Variants in THSD7A observed in about 807,000 individuals in gnomAD.
THSD7A encodes thrombospondin type 1 domain containing 7A.
A neutral mutation model predicts 231.3 loss-of-function variants in THSD7A; 96 were observed. The observed-to-expected ratio is 0.41, with a 90% confidence interval of 0.35 to 0.49. THSD7A has a LOEUF of 0.49. Among genes scored for constraint, THSD7A ranks in the 20% least tolerant of loss-of-function variants. The pLI is 0.05. For missense variants in THSD7A, 2,290 were observed against 2,070.2 expected, an observed-to-expected ratio of 1.11 and a Z score of -2.06; for synonymous variants, 940 against 743.3, an observed-to-expected ratio of 1.26 and a Z score of -4.30.
At chr7:11,443,001 C>T (rs1406756830) in intron 13 of THSD7A, among the ~76,000 whole-genome samples, 1 of 151,968 alleles carries the variant, frequency 6.6e-6, no homozygotes, top group Admixed American at 6.6e-5. Flanking sequence ...TGCCTTTGGC[C>T]AATTTCAATT....
At chr7:11,562,871 G>A (rs1210556448) in intron 4 of THSD7A, among the ~76,000 whole-genome samples, 1 of 152,234 alleles carries the variant, frequency 6.6e-6, no homozygotes, top group East Asian at 1.9e-4. Flanking sequence ...TGTTTTTACT[G>A]TTTTGTCCTT....
chr7:11,476,094 A>T (rs890283355), intron 7 of THSD7A, among the ~76,000 whole-genome samples: 3 of 151,978 alleles, frequency 2.0e-5, no homozygotes, highest in Non-Finnish European at 4.4e-5. Context: ...GGTAAAGCTA[A>T]AAGTCTAACA....
At chr7:11,496,430 T>C (rs1441356455) in intron 6 of THSD7A, among the ~76,000 whole-genome samples, 2 of 152,116 alleles carry the variant, frequency 1.3e-5, no homozygotes, top group African/African-American at 2.4e-5. Flanking sequence ...ATGAGGCCCA[T>C]AGTATGGAAA....
At chr7:11,804,431 A>G (rs1562567326) in intron 1 of THSD7A, among the ~76,000 whole-genome samples, 1 of 152,210 alleles carries the variant, frequency 6.6e-6, no homozygotes. Flanking sequence ...TCAGTTTTCT[A>G]TAAACAACAA....
intron 13 of THSD7A, among the ~76,000 whole-genome samples, chr7:11,430,142 G>C (rs1018358419): frequency 6.6e-6 from 1 of 152,110 alleles, no homozygotes; most frequent in Admixed American, 6.5e-5. Context: ...GCAGAGATTC[G>C]ATTTTGACAA....
intron 1 of THSD7A, among the ~76,000 whole-genome samples, chr7:11,669,012 T>A (rs1783268420): frequency 6.6e-6 from 1 of 152,178 alleles, no homozygotes; most frequent in South Asian, 2.1e-4. Context: ...GCTCTCAGCA[T>A]TTTTGCCTAC....
chr7:11,460,130 A>C (rs1465902405), intron 11 of THSD7A, among the ~76,000 whole-genome samples: 1 of 152,162 alleles, frequency 6.6e-6, no homozygotes, highest in African/African-American at 2.4e-5. Context: ...TGCAGATTGT[A>C]ATTAAGTAAA....
chr7:11,502,371 G>A (rs181436170), intron 6 of THSD7A, among the ~76,000 whole-genome samples: 9 of 152,164 alleles, frequency 5.9e-5, no homozygotes, highest in South Asian at 2.1e-4. Context: ...GATGAACATC[G>A]ATGCAACTAA....
chr7:11,510,238 C>T (rs1340506584), intron 6 of THSD7A, among the ~76,000 whole-genome samples: 7 of 152,206 alleles, frequency 4.6e-5, no homozygotes, highest in East Asian at 3.9e-4. Context: ...AAGCTGAATC[C>T]CTGAATAGAC....
At chr7:11,503,167 G>A (rs1210938323) in intron 6 of THSD7A, among the ~76,000 whole-genome samples, 4 of 152,026 alleles carry the variant, frequency 2.6e-5, no homozygotes, top group African/African-American at 9.7e-5. Context: ...GCACATCTAC[G>A]ACCATCTGAT....
At chr7:11,784,509 C>G (rs1469170641) in intron 1 of THSD7A, among the ~76,000 whole-genome samples, 2 of 151,766 alleles carry the variant, frequency 1.3e-5, no homozygotes, top group African/African-American at 4.8e-5. Flanking sequence ...TCTTCGTCTT[C>G]TTCCAGTTAA....
intron 4 of THSD7A, among the ~76,000 whole-genome samples, chr7:11,546,198 G>GCA (rs879334934): frequency 0.15 from 7,543 of 50,206 alleles, 248 homozygotes; most frequent in Admixed American, 0.18. Flanking sequence ...TGGTGTGGGC[G>GCA]CGCGCTCACA....
At position 11,590,076 on chromosome 7, in the gene THSD7A, C is replaced by A. The variant is rs17636805; in HGVS notation, c.1453+384G>T. Among the ~76,000 whole-genome samples the A allele has an allele frequency of 1.3e-5, 2 of 151,956 alleles. No homozygotes were observed. The highest frequency in any genetic ancestry group is 4.8e-5 in the African/African-American group (2 of 41,396). On this transcript the variant is annotated intron_variant, in intron 4 of 27. Coordinates refer to ENST00000423059, the MANE Select transcript of THSD7A (RefSeq NM_015204.3). This position sits in a 1 kb window ranked among gnomAD's most constrained non-coding sequence, Gnocchi z 4.4. ...ACCACATTTTATCCAAATAAGATTT[C>A]TTTTGACAAGCAGGTTTTACTTCTT...
intron 4 of THSD7A, among the ~76,000 whole-genome samples, chr7:11,558,686 G>C (rs1008994291): frequency 1.3e-5 from 2 of 152,150 alleles, no homozygotes; most frequent in African/African-American, 4.8e-5. Context: ...TAAAATTTCA[G>C]AGAGAATAGT....
chr7:11,503,334 G>A (rs1787415632), intron 6 of THSD7A, among the ~76,000 whole-genome samples: 1 of 152,074 alleles, frequency 6.6e-6, no homozygotes, highest in Non-Finnish European at 1.5e-5. Flanking sequence ...AGACTTAAAT[G>A]TAAAACCCAA....
intron 4 of THSD7A, among the ~76,000 whole-genome samples, chr7:11,571,530 C>T (rs1259186276): frequency 6.6e-6 from 1 of 152,132 alleles, no homozygotes; most frequent in Non-Finnish European, 1.5e-5. Flanking sequence ...TCTATTATTA[C>T]CATTTTTCTA....
At chr7:11,400,961 G>C (rs1322299056) in intron 23 of THSD7A, among the ~76,000 whole-genome samples, 1 of 152,080 alleles carries the variant, frequency 6.6e-6, no homozygotes, top group Non-Finnish European at 1.5e-5. Context: ...TTAATGCTGT[G>C]ATTCTTGAAG....
At chr7:11,521,420 C>T (rs1168050195) in intron 6 of THSD7A, among the ~76,000 whole-genome samples, 1 of 151,368 alleles carries the variant, frequency 6.6e-6, no homozygotes, top group Non-Finnish European at 1.5e-5. Flanking sequence ...TCTAGAGACA[C>T]TGAAGTCACA....
chr7:11,786,746 T>TA (rs1285517327), intron 1 of THSD7A, among the ~76,000 whole-genome samples: 5 of 134,196 alleles, frequency 3.7e-5, no homozygotes, highest in Admixed American at 7.7e-5. Context: ...CCCTAAAACT[T>TA]AGAGTATAAT....
Sources: allele counts gnomAD v4.1 joint callset (sites outside exome capture counted in the v4.1 genomes callset), GRCh38; gene constraint gnomAD v4.1.1; non-coding constraint Gnocchi (gnomAD v3.1); transcripts MANE v1.5; gene names NCBI Gene and HGNC (gene_info 2026-07-23, HGNC 2026-07-21).